Variants in MRTFB observed in about 807,000 individuals in gnomAD.
MRTFB encodes myocardin-related transcription factor B.
In MRTFB, 29 loss-of-function variants were observed where a neutral mutation model predicts 104.2. The observed-to-expected ratio is 0.28, with a 90% CI of 0.21 to 0.38. The LOEUF (loss-of-function observed/expected upper bound fraction) is 0.38, where lower values mean the gene tolerates loss of function less well. Among genes scored for constraint, MRTFB ranks in the 10% least tolerant of loss-of-function variants. The probability of loss-of-function intolerance (pLI) is 1.00; values close to 1 mark genes in which losing one functional copy is unlikely to be tolerated. For missense variants in MRTFB, 1,270 were observed against 1,341.6 expected, an observed-to-expected ratio of 0.95 and a Z score of 0.83; for synonymous variants, 535 against 519.5, an observed-to-expected ratio of 1.03 and a Z score of -0.41.
chr16:14,221,891 C>T (rs1446360218), intron 8 of MRTFB, among the ~76,000 whole-genome samples: 1 of 151,386 alleles, frequency 6.6e-6, no homozygotes, highest in African/African-American at 2.4e-5. Context: ...AAGCGATTCT[C>T]CCGCTTCAGC....
intron 2 of MRTFB, among the ~76,000 whole-genome samples, chr16:14,105,355 T>G (rs1360170238): frequency 6.6e-6 from 1 of 152,136 alleles, no homozygotes; most frequent in African/African-American, 2.4e-5. Flanking sequence ...AAAGAAAAGT[T>G]GCACTTTGTA....
intron 3 of MRTFB, among the ~76,000 whole-genome samples, chr16:14,206,584 G>C (rs112682246): frequency 0.017 from 2,587 of 152,280 alleles, 83 homozygotes; most frequent in African/African-American, 0.058. Flanking sequence ...TTGAGACAGA[G>C]TCTCGCTCTG....
the MRTFB span, among the ~76,000 whole-genome samples, chr16:14,000,122 C>T: frequency 6.6e-6 from 1 of 152,060 alleles, no homozygotes; most frequent in Non-Finnish European, 1.5e-5. Context: ...GAGAGAGAGG[C>T]GGCTCTAAGC....
intron 9 of MRTFB, among the ~76,000 whole-genome samples, chr16:14,238,612 G>A (rs2042629324): frequency 6.6e-6 from 1 of 152,142 alleles, no homozygotes; most frequent in African/African-American, 2.4e-5. Flanking sequence ...ATGAAGTCGA[G>A]GAACTAAGAG....
At chr16:14,248,081 T>C (rs2043100557) in intron 12 of MRTFB, 1 of 152,818 alleles carries the variant, frequency 6.5e-6, no homozygotes, top group Non-Finnish European at 1.5e-5. Context: ...ATGTCTAAAC[T>C]AAGGAAAACA....
chr16:14,134,122 G>A (rs1170469652), intron 2 of MRTFB, among the ~76,000 whole-genome samples: 3 of 152,126 alleles, frequency 2.0e-5, no homozygotes, highest in African/African-American at 7.2e-5. Context: ...GCTCCATGTT[G>A]TGTTCATTTG....
the MRTFB span, among the ~76,000 whole-genome samples, chr16:14,051,949 C>T: frequency 1.4e-4 from 22 of 152,264 alleles, no homozygotes; most frequent in South Asian, 3.3e-3. Context: ...CCTTCCCTCT[C>T]GTGAATGTGC....
intron 3 of MRTFB, among the ~76,000 whole-genome samples, chr16:14,186,074 T>A (rs1189997172): frequency 6.6e-6 from 1 of 152,180 alleles, no homozygotes. Context: ...TTAAAAAAAA[T>A]CATGGCAATG....
At chr16:14,242,072 C>G (rs2042798337) in intron 10 of MRTFB, among the ~76,000 whole-genome samples, 1 of 151,886 alleles carries the variant, frequency 6.6e-6, no homozygotes, top group East Asian at 1.9e-4. Context: ...GTGCATCATC[C>G]TCATCCTCGC....
the MRTFB span, among the ~76,000 whole-genome samples, chr16:14,040,213 C>T: frequency 0.89 from 135,713 of 152,280 alleles, 60,641 homozygotes; most frequent in East Asian, 0.99. Flanking sequence ...ACCTAATATA[C>T]GCCATTTGTA....
chr16:14,021,650 C>G, the MRTFB span, among the ~76,000 whole-genome samples: 1 of 152,204 alleles, frequency 6.6e-6, no homozygotes, highest in African/African-American at 2.4e-5. Context: ...GCTTAGCTCC[C>G]ACTTATAAGT....
At chr16:14,227,533 A>T (rs2042063023) in intron 8 of MRTFB, among the ~76,000 whole-genome samples, 1 of 151,922 alleles carries the variant, frequency 6.6e-6, no homozygotes, top group African/African-American at 2.4e-5. Flanking sequence ...TTTTTTTGAG[A>T]TGGAGTCTTG....
chr16:14,024,292 T>A, the MRTFB span, among the ~76,000 whole-genome samples: 1 of 152,206 alleles, frequency 6.6e-6, no homozygotes, highest in Non-Finnish European at 1.5e-5. Context: ...ATTACATAAG[T>A]CATCAAGCAT....
chr16:14,052,143 A>T, the MRTFB span, among the ~76,000 whole-genome samples: 1 of 148,804 alleles, frequency 6.7e-6, no homozygotes, highest in East Asian at 1.9e-4. Flanking sequence ...AGGGTTTTGC[A>T]TGGGGGGGTG....
intron 8 of MRTFB, among the ~76,000 whole-genome samples, chr16:14,220,288 TA>T (rs2041631351): frequency 6.6e-6 from 1 of 152,192 alleles, no homozygotes; most frequent in Admixed American, 6.5e-5. Flanking sequence ...TAGATACCAT[TA>T]ACAAACAGTT....
the MRTFB span, among the ~76,000 whole-genome samples, chr16:14,001,736 A>T: frequency 6.6e-6 from 1 of 152,200 alleles, no homozygotes; most frequent in East Asian, 1.9e-4. Flanking sequence ...AACAACTCTC[A>T]TCCAAAGTTC....
Position 14,261,257 on chromosome 16 carries a change from CCCAGTTT to C in MRTFB, c.3114_3120del (p.Gln1039LeufsTer49), listed in dbSNP as rs2151484213. ...CACTCACCCATGGAGACTTCCGAGA[CCCAGTTT>C]GCTGCAGGTACTCCCTGTCTGTCTC... On this transcript the variant is annotated frameshift_variant, in exon 17 of 17. Coordinates refer to ENST00000571589, the MANE Select transcript of MRTFB (RefSeq NM_001308142.2). LOFTEE classifies it high-confidence loss of function. 1 of 1,614,182 alleles carries C rather than the reference CCCAGTTT, an allele frequency of 6.2e-7. No homozygotes were observed. Among genetic ancestry groups the C allele is most frequent in the African/African-American group, 1.3e-5 (1 of 75,048 alleles).
chr16:14,127,909 ATATATATATATATATATATATTTTTTTTT>A lies in MRTFB; in HGVS notation c.-63-12633_-63-12605del, dbSNP rs1394515382. 9.8e-3 allele frequency among the ~76,000 whole-genome samples: 355 copies of A among 36,340 alleles called. 8 individuals are homozygous for A. Among genetic ancestry groups the A allele is most frequent in the African/African-American group, 0.058 (324 of 5,624 alleles). 23.8% of individuals were successfully genotyped at this position (36,340 alleles called of 152,430 possible). On this transcript the variant is annotated intron_variant, in intron 2 of 16. Coordinates refer to ENST00000571589, the MANE Select transcript of MRTFB (RefSeq NM_001308142.2). ...AATTTTAGCAAAACTGAATATATATATATATATATATATATATATATTTTTTTTTTTTTTTTTTTTTTCTTTTTTTCCCC... is the reference window on the plus strand; with the variant it reads ...AATTTTAGCAAAACTGAATATATATATTTTTTTTTTTTTCTTTTTTTCCCC...
chr16:14,096,011 C>G (rs991645422), intron 2 of MRTFB, among the ~76,000 whole-genome samples: 1 of 152,036 alleles, frequency 6.6e-6, no homozygotes, highest in African/African-American at 2.4e-5. Context: ...TACAGTTGTT[C>G]TTTTGAGAAC....
Sources: allele counts gnomAD v4.1 joint callset (sites outside exome capture counted in the v4.1 genomes callset), GRCh38; gene constraint gnomAD v4.1.1; transcripts MANE v1.5; gene names NCBI Gene and HGNC (gene_info 2026-07-23, HGNC 2026-07-21).